The following RANBP17 variants were observed in gnomAD, a reference collection of about 807,000 sequenced individuals.
RANBP17 encodes ran-binding protein 17.
A neutral mutation model predicts 141.2 loss-of-function variants in RANBP17; 158 were observed. That is an observed-to-expected ratio of 1.12 (90% CI 0.98 to 1.28). The LOEUF (loss-of-function observed/expected upper bound fraction) is 1.28, where lower values mean the gene tolerates loss of function less well. Ranked by LOEUF, RANBP17 falls within the 50% of genes most tolerant of loss-of-function variation. RANBP17 has a pLI of 0.00. For missense variants in RANBP17, 1,438 were observed against 1,290.7 expected, an observed-to-expected ratio of 1.11 and a Z score of -1.75; for synonymous variants, 430 against 450.0, an observed-to-expected ratio of 0.96 and a Z score of 0.56.
chr5:171,109,552 T>G (rs1470251980), intron 14 of RANBP17, among the ~76,000 whole-genome samples: 1 of 152,190 alleles, frequency 6.6e-6, no homozygotes, highest in East Asian at 1.9e-4. Context: ...GATGCTTTGG[T>G]CACTTATATA....
chr5:170,887,321 T>C (rs1229488065), intron 3 of RANBP17, among the ~76,000 whole-genome samples: 1 of 152,248 alleles, frequency 6.6e-6, no homozygotes, highest in Non-Finnish European at 1.5e-5. Flanking sequence ...ATTCTTTCTT[T>C]CGTGGATTAT....
At chr5:170,892,635 G>GT in intron 4 of RANBP17, 82 bp downstream of exon 4, 2 of 1,083,942 alleles carry the variant, frequency 1.8e-6, no homozygotes, top group Non-Finnish European at 2.6e-6. Flanking sequence ...AAGCGATATA[G>GT]TTTGTTTTGT....
At chr5:171,175,171 T>C (rs943259333) in intron 16 of RANBP17, among the ~76,000 whole-genome samples, 14 of 152,188 alleles carry the variant, frequency 9.2e-5, no homozygotes, top group Non-Finnish European at 1.8e-4. Context: ...GGTGTATATG[T>C]GGCACATTTT....
intron 24 of RANBP17, among the ~76,000 whole-genome samples, chr5:171,263,772 G>C (rs1274399658): frequency 1.3e-5 from 2 of 152,102 alleles, no homozygotes; most frequent in Non-Finnish European, 2.9e-5. Context: ...GATTCAAGAA[G>C]GTGTTTTAGC....
intron 13 of RANBP17, among the ~76,000 whole-genome samples, chr5:170,961,563 TTTGAGCATCAACA>T (rs1225138493): frequency 3.9e-5 from 6 of 152,182 alleles, no homozygotes; most frequent in African/African-American, 1.4e-4. Flanking sequence ...TCTGAAACAG[TTTGAGCATCAACA>T]TGAATCTCAA....
intron 14 of RANBP17, among the ~76,000 whole-genome samples, chr5:171,025,420 T>C (rs1402828944): frequency 6.6e-6 from 1 of 152,172 alleles, no homozygotes; most frequent in Non-Finnish European, 1.5e-5. Flanking sequence ...AAATGTTTTA[T>C]TAGGGTCTTT....
chr5:171,217,346 A>T (rs183850068), intron 21 of RANBP17, among the ~76,000 whole-genome samples: 1 of 152,274 alleles, frequency 6.6e-6, no homozygotes, highest in Admixed American at 6.5e-5. Flanking sequence ...GTCGATGTTC[A>T]TCAGGGATAT....
chr5:171,089,855 G>C (rs1279895447), intron 14 of RANBP17, among the ~76,000 whole-genome samples: 3 of 152,126 alleles, frequency 2.0e-5, no homozygotes, highest in Non-Finnish European at 2.9e-5. Flanking sequence ...TGCGCCCACT[G>C]TCTGGCACTC....
chr5:171,028,609 C>T (rs1781369890), intron 14 of RANBP17, among the ~76,000 whole-genome samples: 2 of 152,128 alleles, frequency 1.3e-5, no homozygotes, highest in African/African-American at 2.4e-5. Flanking sequence ...TATTGATCTT[C>T]ACAGAATTGA....
At chr5:170,972,067 T>G (rs1777025442) in intron 14 of RANBP17, among the ~76,000 whole-genome samples, 2 of 152,156 alleles carry the variant, frequency 1.3e-5, no homozygotes, top group Admixed American at 6.5e-5. Context: ...AAATTTAGTA[T>G]TATTCTCATC....
intron 14 of RANBP17, among the ~76,000 whole-genome samples, chr5:171,166,919 A>G (rs1300451755): frequency 6.6e-6 from 1 of 152,208 alleles, no homozygotes; most frequent in Non-Finnish European, 1.5e-5. Context: ...TTAAGAGGTA[A>G]TGATCCTGTT....
In RANBP17 at chr5:171,250,607, C is replaced by T. The variant is rs190457986; in HGVS notation, c.2776+7787C>T. ...ACTGCTTACAAGAAACTCACCTTGGCAGTAAACACATATAGAGTGAAAGTA... is the reference window on the plus strand; with the variant it reads ...ACTGCTTACAAGAAACTCACCTTGGTAGTAAACACATATAGAGTGAAAGTA... On this transcript the variant is annotated intron_variant, in intron 24 of 27. Transcript: ENST00000523189. Among the ~76,000 whole-genome samples the T allele has an allele frequency of 1.5e-3, 233 of 152,036 alleles. 4 individuals carry two copies. Among genetic ancestry groups the T allele is most frequent in the Non-Finnish European group, 8.8e-5 (6 of 67,974 alleles).
chr5:170,944,539 A>T (rs960214057), intron 12 of RANBP17, among the ~76,000 whole-genome samples: 1 of 152,188 alleles, frequency 6.6e-6, no homozygotes, highest in Non-Finnish European at 1.5e-5. Flanking sequence ...AAGTGCTGGT[A>T]TTACAGGCGT....
intron 18 of RANBP17, among the ~76,000 whole-genome samples, chr5:171,186,877 T>A (rs1377599530): frequency 1.3e-5 from 2 of 151,954 alleles, no homozygotes; most frequent in Admixed American, 6.6e-5. Flanking sequence ...TCATTGTGTG[T>A]TTTTGCTGGC....
chr5:170,907,755 A>G (rs938039171), intron 5 of RANBP17, among the ~76,000 whole-genome samples: 2 of 152,050 alleles, frequency 1.3e-5, no homozygotes, highest in East Asian at 1.9e-4. Context: ...ATAAATTGCA[A>G]TTATAATGCT....
chr5:171,046,269 C>T (rs1379778867), intron 14 of RANBP17, among the ~76,000 whole-genome samples: 1 of 145,002 alleles, frequency 6.9e-6, no homozygotes, highest in African/African-American at 2.6e-5. Flanking sequence ...AGTGCAGTGG[C>T]ATGATCTCGG....
intron 14 of RANBP17, chr5:171,028,958 A>T (rs977761575): frequency 1.6e-6 from 2 of 1,287,444 alleles, no homozygotes; most frequent in Non-Finnish European, 2.0e-6. Context: ...ATTCATCATC[A>T]TCTGAACCAG....
At chr5:170,916,741 A>G (rs1210664753) in intron 9 of RANBP17, among the ~76,000 whole-genome samples, 157 bp downstream of exon 9, 2 of 147,650 alleles carry the variant, frequency 1.4e-5, no homozygotes, top group Non-Finnish European at 3.0e-5. Flanking sequence ...TTTGAGATCA[A>G]GTCTTGCTCT....
intron 12 of RANBP17, among the ~76,000 whole-genome samples, chr5:170,934,724 A>G (rs192228646): frequency 0.03 from 4,603 of 152,196 alleles, 230 homozygotes; most frequent in African/African-American, 0.1. Flanking sequence ...CTTTCTCTCT[A>G]GCTGCCCTTA....
Sources: allele counts gnomAD v4.1 joint callset (sites outside exome capture counted in the v4.1 genomes callset), GRCh38; gene constraint gnomAD v4.1.1; transcripts MANE v1.5; gene names NCBI Gene and HGNC (gene_info 2026-07-23, HGNC 2026-07-21).